VPS13A: variants seen among roughly 807,000 people sequenced by gnomAD.
The protein encoded by VPS13A is vacuolar protein sorting 13 homolog A.
In VPS13A, 264 loss-of-function variants were observed where a neutral mutation model predicts 390.9. That is an observed-to-expected ratio of 0.68 (90% CI 0.61 to 0.75). The LOEUF (loss-of-function observed/expected upper bound fraction) is 0.75. Ranked by LOEUF, VPS13A falls within the 30% of genes least tolerant of loss-of-function variation. The probability of loss-of-function intolerance (pLI) is 0.00; values close to 1 mark genes in which losing one functional copy is unlikely to be tolerated. For missense variants in VPS13A, 3,409 were observed against 3,733.9 expected, an observed-to-expected ratio of 0.91 and a Z score of 2.27; for synonymous variants, 1,231 against 1,227.1, an observed-to-expected ratio of 1.00 and a Z score of -0.07.
At chr9:77,333,530 TCAG>T (rs1223195319) in intron 46 of VPS13A, among the ~76,000 whole-genome samples, 1 of 148,028 alleles carries the variant, frequency 6.8e-6, no homozygotes, top group East Asian at 2.1e-4. Context: ...GTCTCCTGCC[TCAG>T]CCTCCTAAGT....
intron 71 of VPS13A, among the ~76,000 whole-genome samples, chr9:77,411,938 A>G (rs1288723973): frequency 1.3e-5 from 2 of 152,128 alleles, no homozygotes; most frequent in Non-Finnish European, 2.9e-5. Flanking sequence ...CAGAAATACA[A>G]ACTACCATCA....
chr9:77,382,024 C>T lies in VPS13A; in HGVS notation c.9126C>T (p.Phe3042=), dbSNP rs1833467291. The change falls in exon 68 of 72, where the codon TTC becomes TTT. Residue 3042 remains phenylalanine, a synonymous_variant. Coordinates refer to ENST00000360280, the MANE Select transcript of VPS13A (RefSeq NM_033305.3). ...EVESLRPPRF[F]NEDGVIRPYR... is the part of the protein sequence containing the mutation. ...AGAGTCTGCGACCTCCTCGGTTCTTCAATGAAGATGGAGTTATCAGACCGT... is the reference window on the plus strand; with the variant it reads ...AGAGTCTGCGACCTCCTCGGTTCTTTAATGAAGATGGAGTTATCAGACCGT... 5.6e-6 allele frequency: 9 copies of T among 1,608,074 alleles called. No individual in the cohort carries two copies. Among genetic ancestry groups the T allele is most frequent in the South Asian group, 2.2e-5 (2 of 89,768 alleles).
chr9:77,217,963 A>G (rs935091166), intron 10 of VPS13A, among the ~76,000 whole-genome samples: 8 of 151,990 alleles, frequency 5.3e-5, no homozygotes, highest in Non-Finnish European at 7.4e-5. Context: ...CATCCTCACC[A>G]ACATGTGTCA....
At chr9:77,390,117 C>A in intron 68 of VPS13A, 1 of 985,388 alleles carries the variant, frequency 1.0e-6, no homozygotes. Context: ...GTGCCGAACA[C>A]TTCCTGGCTT....
At chr9:77,356,998 A>G in intron 55 of VPS13A, 131 bp downstream of exon 55, 1 of 1,031,464 alleles carries the variant, frequency 9.7e-7, no homozygotes, top group African/African-American at 1.6e-5. Context: ...TACCTTGTAT[A>G]AAATGTTTTA....
At chr9:77,315,066 A>G (rs1379998392) in intron 37 of VPS13A, among the ~76,000 whole-genome samples, 187 bp from the exon 38 acceptor site, 2 of 152,198 alleles carry the variant, frequency 1.3e-5, no homozygotes, top group Non-Finnish European at 2.9e-5. Context: ...CTCATTTATG[A>G]TACATTTGTG....
intron 34 of VPS13A, chr9:77,305,555 A>G (rs971551929): frequency 4.5e-5 from 8 of 176,112 alleles, no homozygotes; most frequent in South Asian, 1.3e-4. Flanking sequence ...TGCTCTTCCC[A>G]GGTAGAATCC....
Position 77,382,008 on chromosome 9 carries a change from G to A in VPS13A, c.9110G>A (p.Arg3037Gln), listed in dbSNP as rs748754459. Residue 3037 changes from arginine (R) to glutamine (Q), a missense_variant, in exon 68 of 72, where the codon CGA becomes CAA. Arg to Gln is a conservative substitution (Grantham distance 43). Transcript: ENST00000360280. Reference protein sequence around the residue: ...ATETSEVESLRPPRFFNEDGV... With the variant: ...ATETSEVESLQPPRFFNEDGV... Reference sequence around the variant, plus strand: ...GAGACTTCTGAAGTGGAGAGTCTGCGACCTCCTCGGTTCTTCAATGAAGAT... The same window carrying A: ...GAGACTTCTGAAGTGGAGAGTCTGCAACCTCCTCGGTTCTTCAATGAAGAT... The A allele has an allele frequency of 4.4e-6, 7 of 1,606,836 alleles. No homozygotes were observed. The highest frequency in any genetic ancestry group is 6.0e-6 in the Non-Finnish European group (7 of 1,176,304).
At chr9:77,272,807 T>C (rs1826426464) in intron 23 of VPS13A, among the ~76,000 whole-genome samples, 2 of 152,318 alleles carry the variant, frequency 1.3e-5, no homozygotes, top group Admixed American at 1.3e-4. Flanking sequence ...AAAATTCAGA[T>C]GTGTCTTTTA....
intron 23 of VPS13A, among the ~76,000 whole-genome samples, chr9:77,261,352 A>C (rs1242934703): frequency 2.6e-5 from 4 of 151,804 alleles, no homozygotes; most frequent in Non-Finnish European, 5.9e-5. Context: ...ATAGTATTTC[A>C]TTTTCTGCAT....
Position 77,256,898 on chromosome 9 carries a change from G to A in VPS13A, c.2289-3188G>A, listed in dbSNP as rs1021366047. ...ACCTGTGTGTTTTCTATGAGTTAAC[G>A]TGATCTCTTGTAGACAGTATGTAGT... On this transcript the variant is annotated intron_variant, in intron 22 of 71. Transcript: ENST00000360280. Among the ~76,000 whole-genome samples, 11 of 151,360 alleles carry A rather than the reference G, an allele frequency of 7.3e-5. No individual in the cohort carries two copies. The East Asian group carries it at 1.2e-3, about 16-fold the overall frequency.
intron 10 of VPS13A, among the ~76,000 whole-genome samples, chr9:77,219,104 G>A (rs1299501952): frequency 6.6e-6 from 1 of 152,156 alleles, no homozygotes; most frequent in East Asian, 1.9e-4. Context: ...TGGAGGATCA[G>A]TGAATTGTAG....
rs143234977 is a variant in VPS13A, at chr9:77,319,791, C to T, written c.5415+118C>T. 1,116 of 555,634 alleles carry T rather than the reference C, an allele frequency of 2.0e-3. 11 individuals are homozygous for T. The highest frequency in any genetic ancestry group is 0.02 in the African/African-American group (1,018 of 51,790). 34.4% of individuals were successfully genotyped at this position (555,634 alleles called of 1,614,324 possible). A position where few individuals can be genotyped will look rare whatever the true frequency, so the allele number is the denominator to read the frequency against. ...TTGAGAAGAAGGAACAGAGATTTCC[C>T]GTATACCACCTACTTCTGCACATGT... On this transcript the variant is annotated intron_variant, in intron 42 of 71. Coordinates refer to ENST00000360280, the MANE Select transcript of VPS13A (RefSeq NM_033305.3).
intron 13 of VPS13A, among the ~76,000 whole-genome samples, chr9:77,222,034 G>A (rs1036204809): frequency 1.3e-5 from 2 of 152,186 alleles, no homozygotes; most frequent in East Asian, 3.9e-4. Context: ...TTTCAAGAGG[G>A]ACTCTTTTAC....
rs768013215 is a variant in VPS13A at position 77,282,140 on chromosome 9, A to G, written c.2984A>G (p.Asp995Gly). Residue 995 changes from aspartate (D) to glycine (G), a missense_variant, in exon 29 of 72, where the codon GAT becomes GGT. Asp to Gly is a moderately conservative substitution (Grantham distance 94, BLOSUM62 -1). This residue lies in a region of VPS13A where 2,717 missense variants were observed against 2,917.4 expected (regional missense o/e 0.93). Coordinates refer to ENST00000360280, the MANE Select transcript of VPS13A (RefSeq NM_033305.3). Reference protein sequence around the residue: ...QLIKVNFSSLDIHLHTEALLN... With the variant: ...QLIKVNFSSLGIHLHTEALLN... The stretch of plus-strand genomic sequence containing the variant: ...CTTTAGGTAAATTTTTCCTCTTTGG[A>G]TATTCATTTACACACTGAAGCACTT... 1.2e-6 allele frequency: 2 copies of G among 1,612,906 alleles called. No homozygotes were observed. Among genetic ancestry groups the G allele is most frequent in the Non-Finnish European group, 1.7e-6 (2 of 1,179,568 alleles).
rs1399005955 is a variant in VPS13A at position 77,321,471 on chromosome 9, G to A, written c.5575-20G>A. 3.1e-6 allele frequency: 5 copies of A among 1,612,538 alleles called. No homozygotes were observed. The African/African-American group carries it at 6.7e-5, about 22-fold the overall frequency. On this transcript the variant is annotated intron_variant, in intron 43 of 71. Transcript: ENST00000360280. The stretch of plus-strand genomic sequence containing the variant: ...AATTTTACACATTTCATTTTATTTA[G>A]CATAACTCTTTCTTATTAGGCATTT...
rs190781719 is a variant in VPS13A, at chr9:77,243,288, C to T, written c.1901-3971C>T. On this transcript the variant is annotated intron_variant, in intron 19 of 71. Coordinates refer to ENST00000360280, the MANE Select transcript of VPS13A (RefSeq NM_033305.3). ...ATTTGCATTTTACTTACTTGTTGAACATCCTTAATTGGGAAATAGGAAATT... is the reference window on the plus strand; with the variant it reads ...ATTTGCATTTTACTTACTTGTTGAATATCCTTAATTGGGAAATAGGAAATT... Among the ~76,000 whole-genome samples the T allele has an allele frequency of 1.4e-3, 206 of 152,218 alleles. 1 individual carries two copies. Among genetic ancestry groups the T allele is most frequent in the Non-Finnish European group, 2.4e-3 (162 of 68,016 alleles).
At chr9:77,382,992 T>C in intron 68 of VPS13A, 1 of 985,268 alleles carries the variant, frequency 1.0e-6, no homozygotes, top group Non-Finnish European at 1.2e-6. Flanking sequence ...ATTAAATCAT[T>C]TGTTTGAAAA....
chr9:77,369,501 T>A (rs1330970445), intron 63 of VPS13A, 89 bp downstream of exon 63: 1 of 915,580 alleles, frequency 1.1e-6, no homozygotes, highest in Non-Finnish European at 1.8e-6. Context: ...AGTTAATAAG[T>A]GCAAACAGAT....
Sources: gnomAD v4.1 joint callset for allele counts (sites outside exome capture counted in the v4.1 genomes callset) on GRCh38, gnomAD v4.1.1 for gene constraint, gnomAD v4.1.1 regional missense constraint, MANE v1.5 for transcripts, NCBI Gene and HGNC (gene_info 2026-07-23, HGNC 2026-07-21) for gene names.